The following IMMP2L variants were observed in gnomAD, a reference collection of about 807,000 sequenced individuals.
IMMP2L encodes mitochondrial inner membrane protease subunit 2.
A neutral mutation model predicts 19.3 loss-of-function variants in IMMP2L; 18 were observed. That is an observed-to-expected ratio of 0.93 (90% CI 0.64 to 1.38). The LOEUF (loss-of-function observed/expected upper bound fraction) is 1.38, where lower values mean the gene tolerates loss of function less well. Among genes scored for constraint, IMMP2L ranks in the 40% most tolerant of loss-of-function variants. The pLI is 0.00. For synonymous variants in IMMP2L, 76 were observed against 73.0 expected, an observed-to-expected ratio of 1.04 and a Z score of -0.21; for missense variants, 233 against 218.2, an observed-to-expected ratio of 1.07 and a Z score of -0.43.
intron 5 of IMMP2L, among the ~76,000 whole-genome samples, chr7:110,719,225 G>C (rs774294750): frequency 1.3e-5 from 2 of 152,196 alleles, no homozygotes; most frequent in Non-Finnish European, 2.9e-5. Context: ...AAAAGTCAAT[G>C]ACTGTTGTTA....
chr7:111,225,938 C>T (rs1169091274), intron 3 of IMMP2L, among the ~76,000 whole-genome samples: 3 of 152,094 alleles, frequency 2.0e-5, no homozygotes, highest in Non-Finnish European at 4.4e-5. Flanking sequence ...CCCTCCTGTA[C>T]CCCTTTATCA....
At chr7:111,308,142 G>A (rs549910895) in intron 3 of IMMP2L, among the ~76,000 whole-genome samples, 59 of 151,800 alleles carry the variant, frequency 3.9e-4, no homozygotes, top group African/African-American at 1.4e-3. Context: ...CCAACATAGA[G>A]AAAAAAATCC....
chr7:111,015,868 T>A (rs1825460218), intron 3 of IMMP2L, among the ~76,000 whole-genome samples: 1 of 152,106 alleles, frequency 6.6e-6, no homozygotes, highest in South Asian at 2.1e-4. Flanking sequence ...TTATATAGCC[T>A]CTCTCAAACA....
intron 5 of IMMP2L, among the ~76,000 whole-genome samples, chr7:110,696,765 A>G (rs1793918669): frequency 6.6e-6 from 1 of 152,156 alleles, no homozygotes; most frequent in Non-Finnish European, 1.5e-5. Flanking sequence ...GTAAAGGGAC[A>G]GATAAAATGG....
rs541557416 is a variant in IMMP2L, at chr7:111,446,959, A to G, written c.239+40279T>C. 9.3e-5 allele frequency among the ~76,000 whole-genome samples: 14 copies of G among 150,524 alleles called. No individual in the cohort carries two copies. The South Asian group carries it at 1.3e-3, about 14-fold the overall frequency. On this transcript the variant is annotated intron_variant, in intron 3 of 5. Coordinates refer to ENST00000405709, the MANE Select transcript of IMMP2L (RefSeq NM_032549.4). ...ATCAACTGGAAGAAAGGGTATCAGC[A>G]ATGGAAGATGAAACGAATGAAATGA...
chr7:111,364,388 C>T (rs947519673), intron 3 of IMMP2L, among the ~76,000 whole-genome samples: 1 of 151,890 alleles, frequency 6.6e-6, no homozygotes, highest in East Asian at 1.9e-4. Flanking sequence ...AGTATACATA[C>T]GTATATAGAG....
intron 3 of IMMP2L, among the ~76,000 whole-genome samples, chr7:111,411,093 A>AG (rs945697399): frequency 2.0e-5 from 3 of 149,514 alleles, no homozygotes; most frequent in African/African-American, 7.4e-5. Flanking sequence ...AAATTGCTAA[A>AG]AAAAAAAAAA....
In IMMP2L at chr7:110,919,267, T is replaced by A. The variant is rs112702862; in HGVS notation, c.306-32572A>T. Among the ~76,000 whole-genome samples the A allele has an allele frequency of 9.5e-3, 1,443 of 152,288 alleles. 24 individuals carry two copies. Among genetic ancestry groups the A allele is most frequent in the African/African-American group, 0.033 (1,359 of 41,560 alleles). On this transcript the variant is annotated intron_variant, in intron 4 of 5. Transcript: ENST00000405709. ...TCCTGGTAATTAATTTCTGATTGACTTTTCCTAATATGACTCACCAAATTA... is the reference window on the plus strand; with the variant it reads ...TCCTGGTAATTAATTTCTGATTGACATTTCCTAATATGACTCACCAAATTA...
chr7:111,112,515 C>T (rs746682309), intron 3 of IMMP2L, among the ~76,000 whole-genome samples: 20 of 152,134 alleles, frequency 1.3e-4, no homozygotes, highest in Non-Finnish European at 2.8e-4. Context: ...ATAAATATGG[C>T]CTCCATGTCT....
intron 3 of IMMP2L, among the ~76,000 whole-genome samples, chr7:111,217,726 C>G (rs1795756211): frequency 6.6e-6 from 1 of 151,968 alleles, no homozygotes; most frequent in African/African-American, 2.4e-5. Flanking sequence ...TCAGGTAATC[C>G]TTTACCTCAA....
At chr7:111,327,406 CTAAA>C (rs1276762550) in intron 3 of IMMP2L, among the ~76,000 whole-genome samples, 2 of 151,668 alleles carry the variant, frequency 1.3e-5, no homozygotes, top group Non-Finnish European at 2.9e-5. Flanking sequence ...GTCACTGTAA[CTAAA>C]TAATTTCTAC....
chr7:110,836,418 T>C (rs964168400), intron 5 of IMMP2L, among the ~76,000 whole-genome samples: 13 of 152,162 alleles, frequency 8.5e-5, no homozygotes, highest in Non-Finnish European at 1.8e-4. Flanking sequence ...AGGTCTTTCC[T>C]GTGCTGTTCT....
intron 3 of IMMP2L, among the ~76,000 whole-genome samples, chr7:111,171,283 T>TA (rs1182235973): frequency 6.6e-6 from 1 of 151,702 alleles, no homozygotes; most frequent in Non-Finnish European, 1.5e-5. Flanking sequence ...TATCATGAAT[T>TA]AAATTTTCCC....
chr7:111,353,037 C>T (rs1249972247), intron 3 of IMMP2L, among the ~76,000 whole-genome samples: 1 of 152,126 alleles, frequency 6.6e-6, no homozygotes, highest in Non-Finnish European at 1.5e-5. Flanking sequence ...ATATAGTTAA[C>T]CATCTCCATC....
At chr7:111,001,938 C>G (rs970232654) in intron 3 of IMMP2L, among the ~76,000 whole-genome samples, 1 of 152,138 alleles carries the variant, frequency 6.6e-6, no homozygotes, top group African/African-American at 2.4e-5. Flanking sequence ...TGATCACATT[C>G]AAATTCCTCC....
Position 110,674,585 on chromosome 7 carries a change from C to G in IMMP2L, c.409-10864G>C, listed in dbSNP as rs566887274. ...AGAAATTTCCAAATAAACAAAGCAG[C>G]AGTCAGATGATATTTATTCTACAAT... is the stretch of plus-strand genomic sequence containing the variant. On this transcript the variant is annotated intron_variant, in intron 5 of 5. Transcript: ENST00000405709. Among the ~76,000 whole-genome samples, 7 of 152,286 alleles carry G rather than the reference C, an allele frequency of 4.6e-5. No individual in the cohort carries two copies. In the South Asian group the frequency reaches 1.2e-3, roughly 27 times the overall value.
chr7:111,210,829 G>A (rs191978943), intron 3 of IMMP2L, among the ~76,000 whole-genome samples: 1 of 152,154 alleles, frequency 6.6e-6, no homozygotes, highest in Admixed American at 6.5e-5. Context: ...AACAAAATGA[G>A]AACAAAATTA....
chr7:111,118,683 CTTA>C (rs1800193108), intron 3 of IMMP2L, among the ~76,000 whole-genome samples: 1 of 152,088 alleles, frequency 6.6e-6, no homozygotes. Flanking sequence ...TTATTACTTA[CTTA>C]TTATCCTGCA....
chr7:110,678,054 T>G (rs559287794), intron 5 of IMMP2L, among the ~76,000 whole-genome samples: 4 of 152,138 alleles, frequency 2.6e-5, no homozygotes, highest in African/African-American at 9.7e-5. Flanking sequence ...CTAGGAATAT[T>G]TCCTGTAGAC....
Sources: allele counts gnomAD v4.1 joint callset (sites outside exome capture counted in the v4.1 genomes callset), GRCh38; gene constraint gnomAD v4.1.1; transcripts MANE v1.5; gene names NCBI Gene and HGNC (gene_info 2026-07-23, HGNC 2026-07-21).